The following ELFN1 variants were observed in gnomAD, a reference collection of about 807,000 sequenced individuals.
ELFN1 encodes the protein extracellular leucine rich repeat and fibronectin type III domain containing 1, also known as protein ELFN1.
ELFN1 carries 6 observed loss-of-function variants against 7.6 expected under a neutral mutation model. That is an observed-to-expected ratio of 0.79 (90% CI 0.43 to 1.56). The LOEUF is 1.56. ELFN1 is among the 40% of genes most tolerant of loss of function. ELFN1 has a pLI of 0.01. For missense variants in ELFN1, 1,169 were observed against 1,232.2 expected (o/e 0.95, Z 0.77); for synonymous variants, 657 against 588.1 (o/e 1.12, Z -1.70).
intron 1 of ELFN1, among the ~76,000 whole-genome samples, chr7:1,675,219 C>T (rs1481830667): frequency 6.6e-6 from 1 of 152,234 alleles, no homozygotes; most frequent in South Asian, 2.1e-4. Context: ...CTCTGCTGTC[C>T]GCCCCACTCC....
rs528523341 is a variant in ELFN1, at chr7:1,746,494, C to G, written c.1898C>G (p.Ala633Gly). Residue 633 changes from alanine (A) to glycine (G), a missense_variant, in exon 4 of 4, where the codon GCC becomes GGC. This residue lies in a region of ELFN1 where 914 missense variants were observed against 872.6 expected (regional missense o/e 1.05). Coordinates refer to ENST00000424383, the MANE Select transcript of ELFN1 (RefSeq NM_001128636.4). ...CAGCGGCACCACAGCGTGGAGGCCGCCGGGCCCCCTCGTGCCAGCACCTCG... is the reference window on the plus strand; with the variant it reads ...CAGCGGCACCACAGCGTGGAGGCCGGCGGGCCCCCTCGTGCCAGCACCTCG... ...SLQRHHSVEA[A>G]GPPRASTSSS... 1 of 1,496,280 alleles carries G rather than the reference C, an allele frequency of 6.7e-7. No individual in the cohort carries two copies. The highest frequency in any genetic ancestry group is 1.4e-5 in the African/African-American group (1 of 69,596). The allele number at this position is 1,496,280 out of a possible 1,614,324, so 92.7% of individuals were successfully genotyped here.
intron 3 of ELFN1, among the ~76,000 whole-genome samples, chr7:1,732,421 C>T (rs1201524375): frequency 6.6e-6 from 1 of 152,010 alleles, no homozygotes; most frequent in East Asian, 1.9e-4. Flanking sequence ...CGTAAGGTTG[C>T]AGGGGGTAGG....
At chr7:1,729,821 A>C (rs530714879) in intron 3 of ELFN1, among the ~76,000 whole-genome samples, 2 of 152,230 alleles carry the variant, frequency 1.3e-5, no homozygotes, top group African/African-American at 2.4e-5. Flanking sequence ...AGCCGTCCCG[A>C]AGGGGCTGAG....
chr7:1,714,558 G>T (rs1001842781), intron 3 of ELFN1, among the ~76,000 whole-genome samples: 1 of 152,218 alleles, frequency 6.6e-6, no homozygotes, highest in African/African-American at 2.4e-5. Context: ...AATAAATTCA[G>T]TGGAAACAAA....
chr7:1,691,545 A>T (rs1262239335), intron 2 of ELFN1, among the ~76,000 whole-genome samples: 3 of 152,176 alleles, frequency 2.0e-5, no homozygotes, highest in African/African-American at 7.2e-5. Context: ...GGGGGTTAGA[A>T]TCGACACCTC....
upstream of ELFN1, among the ~76,000 whole-genome samples, chr7:1,667,975 G>T (rs183871680): frequency 0.036 from 5,092 of 140,060 alleles, 600 homozygotes; most frequent in East Asian, 0.4. The surrounding 1 kb of genome is among the most constrained non-coding windows in gnomAD (Gnocchi z 8.2). Context: ...TGGGGGGGGG[G>T]GGCGGCCGCG....
chr7:1,746,041 C>T lies in ELFN1; in HGVS notation c.1445C>T (p.Pro482Leu), dbSNP rs1167628216. The T allele has an allele frequency of 1.7e-5, 27 of 1,546,224 alleles. 1 individual carries two copies. The East Asian group carries it at 2.0e-4, about 11-fold the overall frequency. The change falls in exon 4 of 4, where the codon CCG becomes CTG. Residue 482 changes from proline (P) to leucine (L), a missense_variant. This residue lies in a region of ELFN1 where 914 missense variants were observed against 872.6 expected (regional missense o/e 1.05). Transcript: ENST00000424383. ...GAGCTGGAGGCGCCCGGCCTGGCCC[C>T]GCTGTCCCAGGGCCCGCTGCTGGGC... Reference protein sequence around the residue: ...GPELEAPGLAPLSQGPLLGPE... With the variant: ...GPELEAPGLALLSQGPLLGPE...
At chr7:1,681,028 C>T (rs1778966545) in intron 1 of ELFN1, among the ~76,000 whole-genome samples, 1 of 152,188 alleles carries the variant, frequency 6.6e-6, no homozygotes, top group African/African-American at 2.4e-5. Flanking sequence ...AGGCGTGAGC[C>T]ACTGCGCCCA....
At position 1,735,100 on chromosome 7, in the gene ELFN1, C is replaced by T. The variant is rs1320697270; in HGVS notation, c.-293-9204C>T. On this transcript the variant is annotated intron_variant, in intron 3 of 3. Transcript: ENST00000424383. The surrounding 1 kb of genome is among the most constrained non-coding windows in gnomAD (Gnocchi z 5.9). ...GGCTAGACTTTCCCATGCTGAGCCTCTGTTTCCCCATCTGTCCAATTGAGG... is the reference window on the plus strand; with the variant it reads ...GGCTAGACTTTCCCATGCTGAGCCTTTGTTTCCCCATCTGTCCAATTGAGG... Among the ~76,000 whole-genome samples, 10 of 152,324 alleles carry T rather than the reference C, an allele frequency of 6.6e-5. No individual in the cohort carries two copies. In the East Asian group the frequency reaches 1.2e-3, roughly 18 times the overall value.
rs745498052 is a variant in ELFN1 at position 1,701,467 on chromosome 7, A to G, written c.-455-7624A>G. On this transcript the variant is annotated intron_variant, in intron 2 of 3. Coordinates refer to ENST00000424383, the MANE Select transcript of ELFN1 (RefSeq NM_001128636.4). ...TTTTTATGTAGTAATATTTATCAATATATTCTTGCATGAGTGGGAAGAAAT... is the reference window on the plus strand; with the variant it reads ...TTTTTATGTAGTAATATTTATCAATGTATTCTTGCATGAGTGGGAAGAAAT... Among the ~76,000 whole-genome samples the G allele has an allele frequency of 3.7e-4, 57 of 152,322 alleles. 1 individual carries two copies. The highest frequency in any genetic ancestry group is 6.8e-3 in the Middle Eastern group (2 of 294).
intron 1 of ELFN1, among the ~76,000 whole-genome samples, chr7:1,672,326 G>C (rs531052235): frequency 2.6e-5 from 4 of 152,074 alleles, no homozygotes; most frequent in Non-Finnish European, 4.4e-5. Context: ...TTGGAGGCAG[G>C]CTCCCCACAC....
Position 1,739,660 on chromosome 7 carries a change from A to G in ELFN1, c.-293-4644A>G. 1 of 154,646 alleles carries G rather than the reference A, an allele frequency of 6.5e-6. No individual in the cohort carries two copies. The highest frequency in any genetic ancestry group is 1.4e-5 in the Non-Finnish European group (1 of 69,620). The allele number at this position is 154,646 out of a possible 1,614,324, so 9.6% of individuals were successfully genotyped here. A position where few individuals can be genotyped will look rare whatever the true frequency, so the allele number is the denominator to read the frequency against. Reference sequence around the variant, plus strand: ...GGAAGGTGAAGGAGGCTGGACAGAGAGGGCGGTGGCTGGGATGCTGGAGTG... The same window carrying G: ...GGAAGGTGAAGGAGGCTGGACAGAGGGGGCGGTGGCTGGGATGCTGGAGTG... On this transcript the variant is annotated intron_variant, in intron 3 of 3. Coordinates refer to ENST00000424383, the MANE Select transcript of ELFN1 (RefSeq NM_001128636.4). The surrounding 1 kb of genome is among the most constrained non-coding windows in gnomAD (Gnocchi z 4.6).
intron 2 of ELFN1, among the ~76,000 whole-genome samples, chr7:1,689,431 C>T (rs1025580010): frequency 3.3e-5 from 5 of 152,160 alleles, no homozygotes; most frequent in Admixed American, 6.5e-5. Context: ...CACAGATTCC[C>T]GGCTCAGTCC....
At position 1,733,061 on chromosome 7, in the gene ELFN1, C is replaced by T. The variant is rs553522075; in HGVS notation, c.-293-11243C>T. Among the ~76,000 whole-genome samples the T allele has an allele frequency of 3.9e-3, 599 of 152,092 alleles. 3 individuals are homozygous for T. Among genetic ancestry groups the T allele is most frequent in the African/African-American group, 0.014 (566 of 41,506 alleles). ...GATTACAGGCACCTGCCACCACGCC[C>T]GGCTAATTTTTGTATTTTTAGTAGA... On this transcript the variant is annotated intron_variant, in intron 3 of 3. Coordinates refer to ENST00000424383, the MANE Select transcript of ELFN1 (RefSeq NM_001128636.4).
At chr7:1,692,948 G>A in intron 2 of ELFN1, 1 of 226,498 alleles carries the variant, frequency 4.4e-6, no homozygotes. Context: ...GACCTCACAA[G>A]GCAGGCCTGG....
intron 2 of ELFN1, among the ~76,000 whole-genome samples, chr7:1,694,830 C>G (rs1779266206): frequency 6.6e-6 from 1 of 152,218 alleles, no homozygotes. Context: ...GACCACCTGT[C>G]AGCTGCCCTG....
At chr7:1,743,574 C>T (rs530723728) in intron 3 of ELFN1, among the ~76,000 whole-genome samples, 30 of 152,310 alleles carry the variant, frequency 2.0e-4, no homozygotes, top group Admixed American at 4.6e-4. Flanking sequence ...GGGGGCACAG[C>T]GTGCCAGGGA....
chr7:1,729,972 C>T (rs959743374), intron 3 of ELFN1, among the ~76,000 whole-genome samples: 1 of 152,240 alleles, frequency 6.6e-6, no homozygotes, highest in African/African-American at 2.4e-5. Flanking sequence ...CAGGCCTAGC[C>T]TCAAGGGCAG....
Position 1,705,796 on chromosome 7 carries a change from CG to C in ELFN1, c.-455-3291del, listed in dbSNP as rs1779518013. Among the ~76,000 whole-genome samples the C allele has an allele frequency of 6.6e-6, 1 of 152,144 alleles. No individual in the cohort carries two copies. The highest frequency in any genetic ancestry group is 1.9e-4 in the East Asian group (1 of 5,192). ...AGTCTTAGTGTCCCGGGATGGTCCT[CG>C]GGGAGGTCTGATGAGCCCCCGAATA... On this transcript the variant is annotated intron_variant, in intron 2 of 3. Transcript: ENST00000424383. The surrounding 1 kb of genome is among the most constrained non-coding windows in gnomAD (Gnocchi z 4.3).
Sources: allele counts gnomAD v4.1 joint callset (sites outside exome capture counted in the v4.1 genomes callset), GRCh38; gene constraint gnomAD v4.1.1; regional missense constraint gnomAD v4.1.1; non-coding constraint Gnocchi (gnomAD v3.1); transcripts MANE v1.5; gene names NCBI Gene and HGNC (gene_info 2026-07-23, HGNC 2026-07-21).